Variants in NF1 observed in about 807,000 individuals in gnomAD.
NF1 encodes the protein neurofibromin 1, also known as neurofibromin.
NF1 carries 122 observed loss-of-function variants against 325.7 expected under a neutral mutation model. That is an observed-to-expected ratio of 0.37 (90% CI 0.32 to 0.44). The LOEUF (loss-of-function observed/expected upper bound fraction) is 0.44. NF1 is among the 20% of genes least tolerant of loss of function. NF1 has a pLI of 1.00. For synonymous variants in NF1, 1,091 were observed against 1,186.0 expected (o/e 0.92, Z 1.65); for missense variants, 2,140 against 3,415.4 (o/e 0.63, Z 9.31).
At chr17:31,135,997 A>G (rs1324422387) in intron 1 of NF1, among the ~76,000 whole-genome samples, 1 of 151,836 alleles carries the variant, frequency 6.6e-6, no homozygotes, top group Non-Finnish European at 1.5e-5. Flanking sequence ...ATTTCTTTTG[A>G]TGAGGGTCTG....
intron 39 of NF1, among the ~76,000 whole-genome samples, chr17:31,333,831 G>A (rs1004161114): frequency 1.3e-5 from 2 of 152,058 alleles, no homozygotes; most frequent in African/African-American, 4.8e-5. Flanking sequence ...TAGTTAAAAT[G>A]GTAAATTTTG....
At chr17:31,344,575 TGA>T (rs976998476) in intron 48 of NF1, among the ~76,000 whole-genome samples, 1 of 152,010 alleles carries the variant, frequency 6.6e-6, no homozygotes, top group African/African-American at 2.4e-5. Context: ...CCAGTTTTTA[TGA>T]GAGAGAGAGA....
At position 31,183,007 on chromosome 17, in the gene NF1, A is replaced by G. The variant is rs147365346; in HGVS notation, c.888+342A>G. The G allele has an allele frequency of 1.5e-4, 82 of 552,950 alleles. No homozygotes were observed. The East Asian group carries it at 2.1e-3, about 14-fold the overall frequency. The allele number at this position is 552,950 out of a possible 1,614,324, so 34.3% of individuals were successfully genotyped here. A position where few individuals can be genotyped will look rare whatever the true frequency, so the allele number is the denominator to read the frequency against. On this transcript the variant is annotated intron_variant, in intron 8 of 57. Coordinates refer to ENST00000358273, the MANE Select transcript of NF1 (RefSeq NM_001042492.3). Reference sequence around the variant, plus strand: ...CCCTACTTGAGTTCATCACTTTTATAGTGTGTTATTTGCATGTACTTAGGG... The same window carrying G: ...CCCTACTTGAGTTCATCACTTTTATGGTGTGTTATTTGCATGTACTTAGGG...
chr17:31,100,118 C>G (rs1234468049), intron 1 of NF1, among the ~76,000 whole-genome samples: 1 of 151,432 alleles, frequency 6.6e-6, no homozygotes, highest in African/African-American at 2.4e-5. Flanking sequence ...AAAAGTAGTA[C>G]ATAAAAGCCA....
At chr17:31,228,958 G>T in intron 20 of NF1, 67 bp from the exon 21 acceptor site, 1 of 1,249,692 alleles carries the variant, frequency 8.0e-7, no homozygotes, top group South Asian at 1.4e-5. Context: ...GTTGGATAAA[G>T]CATAATTTGT....
intron 29 of NF1, among the ~76,000 whole-genome samples, chr17:31,242,305 C>CTCTTTTTTTTTTT (rs1567855418): frequency 1.5e-5 from 1 of 68,860 alleles, no homozygotes. Flanking sequence ...CATAAGTTCT[C>CTCTTTTTTTTTTT]TTTTTTTTTT....
At chr17:31,231,611 A>G (rs1268133673) in intron 24 of NF1, among the ~76,000 whole-genome samples, 7 of 152,304 alleles carry the variant, frequency 4.6e-5, no homozygotes, top group Middle Eastern at 3.4e-3. Flanking sequence ...AATTATCTTC[A>G]GATTACTTAT....
intron 36 of NF1, among the ~76,000 whole-genome samples, chr17:31,279,113 C>T (rs529395483): frequency 1.8e-4 from 28 of 152,122 alleles, no homozygotes; most frequent in Middle Eastern, 6.8e-3. Context: ...GGTGTGGTGG[C>T]ACACACCTGT....
chr17:31,342,908 G>A, intron 47 of NF1, 101 bp from the exon 48 acceptor site: 2 of 1,413,266 alleles, frequency 1.4e-6, no homozygotes, highest in African/African-American at 1.4e-5. Flanking sequence ...AAATTGAAAG[G>A]ATTACTTATC....
chr17:31,147,348 C>T (rs992368773), intron 1 of NF1, among the ~76,000 whole-genome samples: 1 of 152,160 alleles, frequency 6.6e-6, no homozygotes, highest in African/African-American at 2.4e-5. Flanking sequence ...TTCTGTCTGT[C>T]AGTATTGTAT....
At chr17:31,124,240 T>C (rs988712853) in intron 1 of NF1, among the ~76,000 whole-genome samples, 1 of 152,050 alleles carries the variant, frequency 6.6e-6, no homozygotes. Flanking sequence ...TTTTTAATTT[T>C]TTTTTGCAGA....
At chr17:31,359,448 T>C (rs1386437257) in intron 56 of NF1, 3 of 190,502 alleles carry the variant, frequency 1.6e-5, no homozygotes, top group South Asian at 9.6e-5. Flanking sequence ...TTTGCTCTTA[T>C]TCAGTTTTTT....
rs751824741 is a variant in NF1, at chr17:31,235,510, T to C, written c.3709-101T>C. 3.4e-5 allele frequency: 41 copies of C among 1,196,566 alleles called. 1 individual carries two copies. The highest frequency in any genetic ancestry group is 4.7e-5 in the Non-Finnish European group (38 of 809,218). The allele number at this position is 1,196,566 out of a possible 1,614,324, so 74.1% of individuals were successfully genotyped here. On this transcript the variant is annotated intron_variant, in intron 27 of 57. Transcript: ENST00000358273. ...TCATCATTTGCCTTAATTTAGCAAGTGGTTGTCAACTTTGGGTTTACATTT... is the reference window on the plus strand; with the variant it reads ...TCATCATTTGCCTTAATTTAGCAAGCGGTTGTCAACTTTGGGTTTACATTT...
chr17:31,282,381 CAAAA>C (rs35267324), intron 36 of NF1, among the ~76,000 whole-genome samples: 2 of 99,016 alleles, frequency 2.0e-5, no homozygotes. Context: ...GATTCCATCT[CAAAA>C]AAAAAAAAAA....
In NF1 at chr17:31,350,165, C is replaced by T. The variant is rs761775627; in HGVS notation, c.7322-18C>T. On this transcript the variant is annotated intron_variant, in intron 49 of 57. Transcript: ENST00000358273. ...GTGATTTGTTAAATTTTTTAACCTGCCACCGTTTTCCTTTTAGCTTTACTT... is the reference window on the plus strand; with the variant it reads ...GTGATTTGTTAAATTTTTTAACCTGTCACCGTTTTCCTTTTAGCTTTACTT... The T allele has an allele frequency of 3.7e-6, 6 of 1,613,750 alleles. No individual in the cohort carries two copies. In the South Asian group the frequency reaches 5.5e-5, roughly 15 times the overall value.
intron 1 of NF1, chr17:31,137,587 C>T (rs1487834972): frequency 9.2e-5 from 14 of 151,810 alleles, no homozygotes; most frequent in Admixed American, 9.2e-4. Context: ...CTTGCTATAC[C>T]AGGTGTGCAG....
At chr17:31,160,959 T>A (rs1217724177) in intron 3 of NF1, among the ~76,000 whole-genome samples, 1 of 152,216 alleles carries the variant, frequency 6.6e-6, no homozygotes. Flanking sequence ...AATTTACTAT[T>A]TAAAAAGTAA....
intron 5 of NF1, among the ~76,000 whole-genome samples, chr17:31,177,817 A>C (rs1054227733): frequency 6.6e-6 from 1 of 152,092 alleles, no homozygotes; most frequent in Non-Finnish European, 1.5e-5. Context: ...ACAAGATTAG[A>C]GAAAAAAGAG....
chr17:31,250,230 G>T (rs7220483), intron 30 of NF1: 1 of 308,454 alleles, frequency 3.2e-6, no homozygotes, highest in Non-Finnish European at 6.3e-6. Context: ...ATCCTGTATA[G>T]TTTTTTCAAC....
Sources: allele counts gnomAD v4.1 joint callset (sites outside exome capture counted in the v4.1 genomes callset), GRCh38; gene constraint gnomAD v4.1.1; transcripts MANE v1.5; gene names NCBI Gene and HGNC (gene_info 2026-07-23, HGNC 2026-07-21).